Variants in KLHL22 observed in about 807,000 individuals in gnomAD.
The protein encoded by KLHL22 is kelch like family member 22.
Under a neutral mutation model 60.7 loss-of-function variants are expected in KLHL22, and 18 were observed. The ratio of observed to expected loss-of-function variants is 0.30; its 90% CI spans 0.20 to 0.44. The LOEUF is 0.44. KLHL22 is among the 20% of genes least tolerant of loss of function. The pLI, the probability that KLHL22 is intolerant of heterozygous loss-of-function variation, is 1.00. For synonymous variants in KLHL22, 355 were observed against 354.5 expected (o/e 1.00, Z -0.01); for missense variants, 596 against 852.3 (o/e 0.70, Z 3.74).
chr22:20,474,926 C>CA (rs2053385450), intron 2 of KLHL22, among the ~76,000 whole-genome samples: 1 of 152,202 alleles, frequency 6.6e-6, no homozygotes, highest in South Asian at 2.1e-4. Context: ...CTGGTGCCTG[C>CA]ACCCTCTACC....
intron 3 of KLHL22, among the ~76,000 whole-genome samples, chr22:20,468,974 A>T (rs1225060904): frequency 1.3e-5 from 2 of 152,160 alleles, no homozygotes; most frequent in African/African-American, 2.4e-5. Context: ...TGATATGTTA[A>T]AAAACTAAGA....
chr22:20,455,286 C>T (rs1376331742), intron 5 of KLHL22, among the ~76,000 whole-genome samples: 1 of 152,238 alleles, frequency 6.6e-6, no homozygotes, highest in Non-Finnish European at 1.5e-5. Flanking sequence ...CCTCCAGCTC[C>T]ACAGCTGTGT....
intron 1 of KLHL22, chr22:20,493,150 TC>T: frequency 2.1e-6 from 1 of 471,078 alleles, no homozygotes; most frequent in Non-Finnish European, 4.4e-6. Context: ...ATCCTCACCT[TC>T]CGTGAGCATA....
chr22:20,442,030 G>A lies in KLHL22; in HGVS notation c.*43C>T. ...TAGGCTGCGTGGGTTTCACTGCCCT[G>A]CAGCCCCAGCCTCCCTTCCCTCTGA... On this transcript the variant is annotated 3_prime_UTR_variant, in exon 7 of 7. Transcript: ENST00000328879. 1.3e-6 allele frequency: 2 copies of A among 1,488,374 alleles called. No homozygotes were observed. The highest frequency in any genetic ancestry group is 8.9e-7 in the Non-Finnish European group (1 of 1,118,896). The allele number at this position is 1,488,374 out of a possible 1,614,324, so 92.2% of individuals were successfully genotyped here.
At chr22:20,472,317 G>A (rs1371096477) in intron 2 of KLHL22, among the ~76,000 whole-genome samples, 6 of 151,598 alleles carry the variant, frequency 4.0e-5, no homozygotes, top group African/African-American at 7.3e-5. Flanking sequence ...ATAGCTGGGC[G>A]CGGTGGCTCA....
intron 6 of KLHL22, among the ~76,000 whole-genome samples, chr22:20,442,726 C>T (rs984032418): frequency 6.6e-6 from 1 of 152,252 alleles, no homozygotes; most frequent in Non-Finnish European, 1.5e-5. Flanking sequence ...CTAGGCCACC[C>T]GGCCCTAAGC....
chr22:20,494,095 G>A (rs1299804008), intron 1 of KLHL22, among the ~76,000 whole-genome samples: 1 of 135,414 alleles, frequency 7.4e-6, no homozygotes, highest in Non-Finnish European at 1.6e-5. Context: ...AAAAAAAAAA[G>A]TGCAAAGTAG....
chr22:20,455,028 C>T (rs1227850631), intron 5 of KLHL22, among the ~76,000 whole-genome samples: 1 of 152,120 alleles, frequency 6.6e-6, no homozygotes, highest in African/African-American at 2.4e-5. Flanking sequence ...ACTATAGGCG[C>T]CTGCCACCAT....
chr22:20,488,636 T>TGTA, intron 2 of KLHL22: 2 of 260,032 alleles, frequency 7.7e-6, no homozygotes, highest in South Asian at 3.6e-5. Flanking sequence ...AGCCAGAAGG[T>TGTA]GATGCATACA....
rs556392855 is a variant in KLHL22, at chr22:20,452,150, C to T, written c.1306-5474G>A. Among the ~76,000 whole-genome samples the T allele has an allele frequency of 4.7e-3, 707 of 151,734 alleles. 3 individuals carry two copies. Among genetic ancestry groups the T allele is most frequent in the Non-Finnish European group, 7.5e-3 (509 of 67,950 alleles). On this transcript the variant is annotated intron_variant, in intron 5 of 6. Transcript: ENST00000328879. ...CTTGGTGTACTATATGTATGTTGTG[C>T]CTCATATGTTGCAAAGAACTAAGGT...
intron 2 of KLHL22, chr22:20,488,680 A>AGGGG: frequency 2.4e-6 from 1 of 412,368 alleles, no homozygotes; most frequent in Non-Finnish European, 4.4e-6. Context: ...GAGGAATGGT[A>AGGGG]AGGGAGGGGA....
chr22:20,450,923 A>T, intron 5 of KLHL22: 1 of 1,612,482 alleles, frequency 6.2e-7, no homozygotes, highest in Non-Finnish European at 8.5e-7. Context: ...AGTCAGATGC[A>T]GGGACCCAGG....
Position 20,460,051 on chromosome 22 carries a change from G to A in KLHL22, c.1113-2051C>T, listed in dbSNP as rs145959440. ...AAGAAGGTCTGGCAGGGGACCAGCA[G>A]TCCAGGATTGGGGCACAGCACTCAC... On this transcript the variant is annotated intron_variant, in intron 4 of 6. Coordinates refer to ENST00000328879, the MANE Select transcript of KLHL22 (RefSeq NM_032775.4). Among the ~76,000 whole-genome samples the A allele has an allele frequency of 6.6e-5, 10 of 152,278 alleles. No individual in the cohort carries two copies. The East Asian group carries it at 1.9e-3, about 29-fold the overall frequency.
chr22:20,461,179 C>T (rs961976080), intron 4 of KLHL22, among the ~76,000 whole-genome samples: 3 of 152,210 alleles, frequency 2.0e-5, no homozygotes, highest in Non-Finnish European at 4.4e-5. Context: ...GTCACTTTAA[C>T]TCAGATTTGT....
At chr22:20,451,312 T>C (rs1212383738) in intron 5 of KLHL22, 1 of 1,608,354 alleles carries the variant, frequency 6.2e-7, no homozygotes, top group Non-Finnish European at 8.5e-7. Context: ...TATGGAGCGG[T>C]ATGATCCAAA....
At chr22:20,494,082 C>CA (rs547146235) in intron 1 of KLHL22, among the ~76,000 whole-genome samples, 2 of 109,648 alleles carry the variant, frequency 1.8e-5, no homozygotes, top group African/African-American at 3.5e-5. Flanking sequence ...TTGCCCCCCC[C>CA]CCAAAAAAAA....
intron 4 of KLHL22, among the ~76,000 whole-genome samples, chr22:20,461,215 G>T (rs142644781): frequency 2.6e-5 from 4 of 152,256 alleles, no homozygotes; most frequent in Non-Finnish European, 4.4e-5. Flanking sequence ...ACTCAGACAT[G>T]AACCCTAGAG....
At chr22:20,486,146 G>A (rs2053583318) in intron 2 of KLHL22, among the ~76,000 whole-genome samples, 1 of 134,820 alleles carries the variant, frequency 7.4e-6, no homozygotes. Context: ...CAGCCTGGGT[G>A]ACAGAGTGAG....
chr22:20,493,431 C>T (rs1164275383), intron 1 of KLHL22, among the ~76,000 whole-genome samples: 2 of 152,198 alleles, frequency 1.3e-5, no homozygotes, highest in Non-Finnish European at 2.9e-5. Flanking sequence ...AACGTCCACC[C>T]TCAGGAGAAC....
Sources: gnomAD v4.1 joint callset for allele counts (sites outside exome capture counted in the v4.1 genomes callset) on GRCh38, gnomAD v4.1.1 for gene constraint, MANE v1.5 for transcripts, NCBI Gene and HGNC (gene_info 2026-07-23, HGNC 2026-07-21) for gene names.